Variants in CACNA1S observed in about 807,000 individuals in gnomAD.
CACNA1S encodes the protein calcium voltage-gated channel subunit alpha1 S.
Under a neutral mutation model 207.4 loss-of-function variants are expected in CACNA1S, and 126 were observed. That is an observed-to-expected ratio of 0.61 (90% CI 0.53 to 0.70). The LOEUF is 0.70. Among genes scored for constraint, CACNA1S ranks in the 30% least tolerant of loss-of-function variants. CACNA1S has a pLI of 0.00. For missense variants in CACNA1S, 2,349 were observed against 2,422.8 expected, an observed-to-expected ratio of 0.97 and a Z score of 0.64; for synonymous variants, 960 against 932.7, an observed-to-expected ratio of 1.03 and a Z score of -0.53.
At chr1:201,058,386 G>A (rs1660923010) in intron 28 of CACNA1S, 22 bp downstream of exon 28, 3 of 1,603,486 alleles carry the variant, frequency 1.9e-6, no homozygotes, top group Non-Finnish European at 2.6e-6. Flanking sequence ...CCTAGTGATG[G>A]CTCTGCCTGC....
intron 15 of CACNA1S, 114 bp downstream of exon 15, chr1:201,073,435 C>A: frequency 3.5e-6 from 3 of 868,876 alleles, no homozygotes; most frequent in Non-Finnish European, 3.9e-6. Flanking sequence ...CCTCACCTGG[C>A]TGATAACTCT....
At chr1:201,088,562 T>C (rs1372482073) in intron 6 of CACNA1S, among the ~76,000 whole-genome samples, 1 of 152,242 alleles carries the variant, frequency 6.6e-6, no homozygotes, top group Admixed American at 6.5e-5. Flanking sequence ...AATTCTGGAT[T>C]GGAGCCAGGG....
In CACNA1S at chr1:201,047,029, C is replaced by T. The variant is rs1660492946; in HGVS notation, c.4668+86G>A. On this transcript the variant is annotated intron_variant, in intron 38 of 43. Coordinates refer to ENST00000362061, the MANE Select transcript of CACNA1S (RefSeq NM_000069.3). Reference sequence around the variant, plus strand: ...TTTCCCTCTATGTCTCCATCATTGGCCCCTCAAGGACATGGAAGGATAACT... The same window carrying T: ...TTTCCCTCTATGTCTCCATCATTGGTCCCTCAAGGACATGGAAGGATAACT... 4 of 1,546,394 alleles carry T rather than the reference C, an allele frequency of 2.6e-6. No individual in the cohort carries two copies. In the South Asian group the frequency reaches 4.5e-5, roughly 17 times the overall value.
In CACNA1S at chr1:201,040,293, T is replaced by G; in HGVS notation, c.5308A>C (p.Arg1770=). ...GSLHEETPHS[R]STRENTSRCS... ...CTGGAAGTATTCTCCCTGGTGCTCC[T>G]GCTGTGGGGTGTCTCCTCATGAAGA... Residue 1770 remains arginine, a synonymous_variant, in exon 43 of 44, where the codon AGG becomes CGG. Transcript: ENST00000362061. 6.2e-7 allele frequency: 1 copy of G among 1,613,914 alleles called. No homozygotes were observed. The highest frequency in any genetic ancestry group is 8.5e-7 in the Non-Finnish European group (1 of 1,179,936).
rs557467758 is a variant in CACNA1S at position 201,067,403 on chromosome 1, G to T, written c.2551-410C>A. Among the ~76,000 whole-genome samples the T allele has an allele frequency of 2.2e-4, 33 of 152,240 alleles. 1 individual carries two copies. Among genetic ancestry groups the T allele is most frequent in the Non-Finnish European group, 4.3e-4 (29 of 68,008 alleles). On this transcript the variant is annotated intron_variant, in intron 19 of 43. Transcript: ENST00000362061. ...GCTGAACAAGCCCTCCAGGACTCTA[G>T]GGGTCCTAGGCCCTCTCTCCTCCCT...
chr1:201,077,183 C>T (rs895470684), intron 11 of CACNA1S, 56 bp from the exon 12 acceptor site: 10 of 1,468,936 alleles, frequency 6.8e-6, no homozygotes, highest in African/African-American at 4.2e-5. Flanking sequence ...CTGGGGCCCA[C>T]GAGGTGTGGA....
intron 22 of CACNA1S, among the ~76,000 whole-genome samples, chr1:201,064,470 G>A (rs1188030263): frequency 6.6e-6 from 1 of 152,228 alleles, no homozygotes; most frequent in Non-Finnish European, 1.5e-5. Flanking sequence ...CGAGGATTTG[G>A]CTTGTAAGGC....
chr1:201,051,339 T>C (rs1449789813), intron 32 of CACNA1S, among the ~76,000 whole-genome samples, 196 bp from the exon 33 acceptor site: 2 of 152,092 alleles, frequency 1.3e-5, no homozygotes, highest in African/African-American at 2.4e-5. Context: ...GCTGCAGCCC[T>C]CATGGGGTGT....
chr1:201,066,916 C>A lies in CACNA1S; in HGVS notation c.2628G>T (p.Val876=), dbSNP rs200898535. 1.4e-4 allele frequency: 221 copies of A among 1,614,092 alleles called. 3 individuals carry two copies. The East Asian group carries it at 4.5e-3, about 33-fold the overall frequency. The change falls in exon 20 of 44, where the codon GTG becomes GTT. Residue 876 remains valine (V), a synonymous_variant. Coordinates refer to ENST00000362061, the MANE Select transcript of CACNA1S (RefSeq NM_000069.3). The surrounding 1 kb of genome is among the most constrained non-coding windows in gnomAD (Gnocchi z 4.3). ...GTCCCATGGAGATGAGGGACACGGCCACCACCAGCAGGTCCAGCATGTTGA... is the reference window on the plus strand; with the variant it reads ...GTCCCATGGAGATGAGGGACACGGCAACCACCAGCAGGTCCAGCATGTTGA... The part of the protein sequence containing the change: ...NYFNMLDLLV[V]AVSLISMGLE...
chr1:201,057,530 G>T (rs1660890056), intron 28 of CACNA1S, among the ~76,000 whole-genome samples: 2 of 152,182 alleles, frequency 1.3e-5, no homozygotes. Flanking sequence ...TGTATCTCAG[G>T]CAGCAAGAAT....
chr1:201,076,998 C>T lies in CACNA1S; in HGVS notation c.1749G>A (p.Gly583=), dbSNP rs2102142398. 5 of 1,614,180 alleles carry T rather than the reference C, an allele frequency of 3.1e-6. 1 individual carries two copies. In the East Asian group the frequency reaches 6.7e-5, roughly 22 times the overall value. ...CTTCTGTGTCTTCAAAGTCATACCT[C>T]CCCCCAAAGAGCTGCATGCCCAGGA... ...FALLGMQLFG[G]RYDFEDTEVR... The change falls in exon 12 of 44, where the codon GGG becomes GGA. Residue 583 remains glycine, a synonymous_variant. Coordinates refer to ENST00000362061, the MANE Select transcript of CACNA1S (RefSeq NM_000069.3).
At position 201,104,225 on chromosome 1, in the gene CACNA1S, G is replaced by A. The variant is rs367967166; in HGVS notation, c.258+5939C>T. ...GGATACTTCTTTGTTGGTGGGAGGG[G>A]GCTGTCCTGTGCATTGCAGGGCCCC... is the stretch of plus-strand genomic sequence containing the variant. On this transcript the variant is annotated intron_variant, in intron 2 of 43. Coordinates refer to ENST00000362061, the MANE Select transcript of CACNA1S (RefSeq NM_000069.3). Among the ~76,000 whole-genome samples, 69 of 152,234 alleles carry A rather than the reference G, an allele frequency of 4.5e-4. No individual in the cohort carries two copies. The East Asian group carries it at 0.013, about 28-fold the overall frequency.
intron 22 of CACNA1S, among the ~76,000 whole-genome samples, 194 bp downstream of exon 22, chr1:201,065,644 C>T (rs917370206): frequency 2.6e-5 from 4 of 152,178 alleles, no homozygotes; most frequent in South Asian, 2.1e-4. Context: ...TTAAATGTAA[C>T]GATGTCTTAC....
At position 201,102,416 on chromosome 1, in the gene CACNA1S, G is replaced by A. The variant is rs531742746; in HGVS notation, c.258+7748C>T. ...CAAGGTAAGAGGCAGGCCCTCGTCA[G>A]CCTCGGATACTGTCTCCTACTCCCA... On this transcript the variant is annotated intron_variant, in intron 2 of 43. Transcript: ENST00000362061. Among the ~76,000 whole-genome samples, 162 of 152,272 alleles carry A rather than the reference G, an allele frequency of 1.1e-3. 4 individuals are homozygous for A. Among genetic ancestry groups the A allele is most frequent in the Admixed American group, 5.2e-4 (8 of 15,306 alleles).
rs201627041 is a variant in CACNA1S, at chr1:201,053,459, C to T, written c.3795G>A (p.Gln1265=). The change falls in exon 30 of 44, where the codon CAG becomes CAA. Residue 1265 remains glutamine, a splice_region_variant and synonymous_variant. Coordinates refer to ENST00000362061, the MANE Select transcript of CACNA1S (RefSeq NM_000069.3). The surrounding 1 kb of genome is among the most constrained non-coding windows in gnomAD (Gnocchi z 5.1). ...TLLWTFIKSF[Q]ALPYVALLIV... is the part of the protein sequence containing the mutation. ...GCAGTTTCCAGGGTCCCTGTTGCAC[C>T]TGGAAGGACTTGATGAACGTCCACA... 1 of 1,614,136 alleles carries T rather than the reference C, an allele frequency of 6.2e-7. No homozygotes were observed. Among genetic ancestry groups the T allele is most frequent in the East Asian group, 2.2e-5 (1 of 44,858 alleles).
chr1:201,108,596 G>A (rs767651040), intron 2 of CACNA1S, among the ~76,000 whole-genome samples: 15 of 152,100 alleles, frequency 9.9e-5, no homozygotes, highest in East Asian at 5.8e-4. Context: ...CTTCCTTGCC[G>A]GCAAAGGTGG....
chr1:201,101,101 A>G (rs1448349906), intron 2 of CACNA1S, among the ~76,000 whole-genome samples: 1 of 152,214 alleles, frequency 6.6e-6, no homozygotes, highest in Non-Finnish European at 1.5e-5. Context: ...AAGATCATGT[A>G]CTATGAGTGT....
chr1:201,074,456 A>G, intron 14 of CACNA1S, 50 bp downstream of exon 14: 2 of 1,193,318 alleles, frequency 1.7e-6, no homozygotes, highest in South Asian at 1.2e-5. Context: ...CTGGAAGGCC[A>G]TGGCCACGAC....
intron 2 of CACNA1S, among the ~76,000 whole-genome samples, chr1:201,098,495 T>C (rs954957213): frequency 3.3e-5 from 5 of 152,038 alleles, no homozygotes; most frequent in South Asian, 2.1e-4. Context: ...TATCAGGCCA[T>C]GATGGAGTAG....
Sources: gnomAD v4.1 joint callset for allele counts (sites outside exome capture counted in the v4.1 genomes callset) on GRCh38, gnomAD v4.1.1 for gene constraint, Gnocchi (gnomAD v3.1) non-coding constraint, MANE v1.5 for transcripts, NCBI Gene and HGNC (gene_info 2026-07-23, HGNC 2026-07-21) for gene names.